Variants in CYFIP2 observed in about 807,000 individuals in gnomAD.
The protein encoded by CYFIP2 is cytoplasmic FMR1-interacting protein 2.
Under a neutral mutation model 158.7 loss-of-function variants are expected in CYFIP2, and 29 were observed. The observed-to-expected ratio is 0.18, with a 90% CI of 0.14 to 0.25. The LOEUF (loss-of-function observed/expected upper bound fraction) is 0.25. Ranked by LOEUF, CYFIP2 falls within the 10% of genes least tolerant of loss-of-function variation. CYFIP2 has a pLI of 1.00. For synonymous variants in CYFIP2, 585 were observed against 617.6 expected (o/e 0.95, Z 0.78); for missense variants, 852 against 1,639.5 (o/e 0.52, Z 8.29).
intron 26 of CYFIP2, chr5:157,375,806 C>T (rs1026049618): frequency 6.6e-5 from 10 of 152,154 alleles, no homozygotes; most frequent in Admixed American, 6.6e-4. Flanking sequence ...AGCTACCTCA[C>T]AGAGTTCTTA....
chr5:157,388,512 T>C (rs2113545555), intron 28 of CYFIP2, among the ~76,000 whole-genome samples: 1 of 152,354 alleles, frequency 6.6e-6, no homozygotes, highest in South Asian at 2.1e-4. Flanking sequence ...GCCCATCTGT[T>C]CCCACAACTG....
chr5:157,351,866 C>A (rs1417538817), intron 23 of CYFIP2, among the ~76,000 whole-genome samples: 1 of 152,186 alleles, frequency 6.6e-6, no homozygotes, highest in African/African-American at 2.4e-5. Context: ...GAACATCTAA[C>A]CACCTGATGT....
chr5:157,382,522 T>C, intron 26 of CYFIP2, 68 bp from the exon 27 acceptor site: 1 of 1,558,594 alleles, frequency 6.4e-7, no homozygotes, highest in Non-Finnish European at 8.8e-7. Context: ...CTCAGGTTTT[T>C]AGGAATGAAA....
chr5:157,388,366 T>C (rs2113544695), intron 28 of CYFIP2, among the ~76,000 whole-genome samples: 1 of 152,304 alleles, frequency 6.6e-6, no homozygotes, highest in Admixed American at 6.5e-5. Context: ...TTTGTAACTG[T>C]CAAAGAAGCA....
intron 30 of CYFIP2, 138 bp from the exon 31 acceptor site, chr5:157,392,695 G>A: frequency 1.1e-6 from 1 of 938,936 alleles, no homozygotes; most frequent in Non-Finnish European, 1.6e-6. Context: ...AGATCCAGGG[G>A]ATTCCATAAA....
At chr5:157,373,607 G>C (rs533694388) in intron 26 of CYFIP2, among the ~76,000 whole-genome samples, 5 of 152,138 alleles carry the variant, frequency 3.3e-5, no homozygotes, top group African/African-American at 7.2e-5. Flanking sequence ...TAAAAAGGAT[G>C]TAGGATAACT....
At chr5:157,313,381 A>G (rs1759896312) in intron 11 of CYFIP2, among the ~76,000 whole-genome samples, 1 of 152,244 alleles carries the variant, frequency 6.6e-6, no homozygotes, top group African/African-American at 2.4e-5. Flanking sequence ...TCCATAAGGC[A>G]TGTTACAGCT....
Position 157,309,837 on chromosome 5 carries a change from G to T in CYFIP2, c.992+3G>T. ...CACTATGAAGAGAACAAGTCCAAGT[G>T]AGTGCCTGCCGTAATGTCTCTCGGC... On this transcript the variant is annotated splice_donor_region_variant and intron_variant, in intron 10 of 30. Transcript: ENST00000620254. 1 of 1,585,016 alleles carries T rather than the reference G, an allele frequency of 6.3e-7. No homozygotes were observed. Among genetic ancestry groups the T allele is most frequent in the South Asian group, 1.2e-5 (1 of 86,712 alleles).
intron 28 of CYFIP2, among the ~76,000 whole-genome samples, chr5:157,388,307 G>T (rs1010680561): frequency 6.6e-6 from 1 of 152,194 alleles, no homozygotes; most frequent in Admixed American, 6.5e-5. Flanking sequence ...TAGATATGCA[G>T]TAGCCAGAAC....
chr5:157,282,467 A>G (rs2113835651), intron 1 of CYFIP2, among the ~76,000 whole-genome samples: 1 of 152,342 alleles, frequency 6.6e-6, no homozygotes, highest in Admixed American at 6.5e-5. Flanking sequence ...TTAGAATTCA[A>G]CATGAGATTT....
intron 26 of CYFIP2, among the ~76,000 whole-genome samples, chr5:157,378,609 A>G (rs983959823): frequency 4.6e-5 from 7 of 152,158 alleles, no homozygotes; most frequent in African/African-American, 1.7e-4. Context: ...CTGGATCGAA[A>G]TGTCAGCCTT....
At chr5:157,302,949 T>TA in intron 7 of CYFIP2, 59 bp downstream of exon 7, 1 of 1,415,402 alleles carries the variant, frequency 7.1e-7, no homozygotes, top group Non-Finnish European at 9.6e-7. Context: ...GGCAGGCGTG[T>TA]AGAGGTTGGG....
chr5:157,329,344 C>G (rs1241958857), intron 19 of CYFIP2, among the ~76,000 whole-genome samples: 1 of 152,206 alleles, frequency 6.6e-6, no homozygotes, highest in Admixed American at 6.5e-5. Context: ...GTTCCATCAT[C>G]TATATAAACA....
At chr5:157,360,739 G>T (rs1001555597) in intron 25 of CYFIP2, among the ~76,000 whole-genome samples, 1 of 152,188 alleles carries the variant, frequency 6.6e-6, no homozygotes, top group African/African-American at 2.4e-5. Context: ...TCCAGGCAGT[G>T]GTGCCAAGTT....
intron 26 of CYFIP2, among the ~76,000 whole-genome samples, chr5:157,368,422 C>T (rs534232340): frequency 5.2e-4 from 79 of 152,156 alleles, no homozygotes; most frequent in Non-Finnish European, 1.0e-3. Flanking sequence ...GATGATTTTG[C>T]CCATCACTCT....
chr5:157,391,795 C>T (rs532696296), intron 30 of CYFIP2, among the ~76,000 whole-genome samples: 13 of 151,954 alleles, frequency 8.6e-5, no homozygotes, highest in South Asian at 4.2e-4. Context: ...TATACCTGGA[C>T]GTGGAATTGC....
intron 23 of CYFIP2, among the ~76,000 whole-genome samples, chr5:157,346,402 T>C (rs1402731622): frequency 6.6e-6 from 1 of 152,198 alleles, no homozygotes; most frequent in Non-Finnish European, 1.5e-5. Context: ...GATGAAATCT[T>C]CCTGGATTTA....
intron 2 of CYFIP2, among the ~76,000 whole-genome samples, chr5:157,286,476 A>C (rs1391093570): frequency 6.7e-6 from 1 of 149,412 alleles, no homozygotes; most frequent in African/African-American, 2.4e-5. Context: ...TTTCCATGAC[A>C]ATACCACAAT....
intron 30 of CYFIP2, among the ~76,000 whole-genome samples, chr5:157,392,207 CA>C (rs2113567234): frequency 6.6e-6 from 1 of 152,232 alleles, no homozygotes; most frequent in Admixed American, 6.5e-5. Context: ...TTTTCATTCT[CA>C]TGGTGTCCCT....
Sources: allele counts gnomAD v4.1 joint callset (sites outside exome capture counted in the v4.1 genomes callset), GRCh38; gene constraint gnomAD v4.1.1; transcripts MANE v1.5; gene names NCBI Gene and HGNC (gene_info 2026-07-23, HGNC 2026-07-21).